TET3: variants seen among roughly 807,000 people sequenced by gnomAD.
The protein encoded by TET3 is methylcytosine dioxygenase TET3.
TET3 carries 19 observed loss-of-function variants against 141.4 expected under a neutral mutation model. The ratio of observed to expected loss-of-function variants is 0.13; its 90% confidence interval spans 0.09 to 0.20. TET3 has a LOEUF of 0.20. TET3 is among the 10% of genes least tolerant of loss of function. The pLI, the probability that TET3 is intolerant of heterozygous loss-of-function variation, is 1.00. For synonymous variants in TET3, 1,043 were observed against 980.9 expected (o/e 1.06, Z -1.18); for missense variants, 1,874 against 2,356.9 (o/e 0.80, Z 4.24).
At chr2:74,063,059 T>C (rs999934228) in intron 4 of TET3, among the ~76,000 whole-genome samples, 13 of 151,986 alleles carry the variant, frequency 8.6e-5, no homozygotes, top group Admixed American at 8.5e-4. Context: ...AATTTTTGTA[T>C]TTTTAGCAGA....
chr2:74,092,876 A>T, intron 8 of TET3, 26 bp from the exon 9 acceptor site: 1 of 1,565,728 alleles, frequency 6.4e-7, no homozygotes, highest in South Asian at 1.2e-5. Flanking sequence ...GCTGCTCTGG[A>T]TGTGTGACTG....
chr2:74,105,585 A>G lies in TET3; in HGVS notation c.*3409A>G. On this transcript the variant is annotated 3_prime_UTR_variant, in exon 12 of 12. Transcript: ENST00000409262. ...ATGGGTACTGCTTTGCCTTCTCACCAAGGTGACGATGGTGTGCGTGGAAAG... is the reference window on the plus strand; with the variant it reads ...ATGGGTACTGCTTTGCCTTCTCACCGAGGTGACGATGGTGTGCGTGGAAAG... 2 of 394,208 alleles carry G rather than the reference A, an allele frequency of 5.1e-6. No individual in the cohort carries two copies. The highest frequency in any genetic ancestry group is 9.0e-6 in the Non-Finnish European group (2 of 223,024). The allele number at this position is 394,208 out of a possible 1,614,324, so 24.4% of individuals were successfully genotyped here.
intron 4 of TET3, among the ~76,000 whole-genome samples, chr2:74,070,810 C>CA (rs1573849801): frequency 1.3e-5 from 2 of 151,906 alleles, no homozygotes. Context: ...CCTGCCTCTA[C>CA]AAAAAAATAG....
At chr2:74,026,032 G>A (rs985963726) in intron 3 of TET3, among the ~76,000 whole-genome samples, 3 of 152,192 alleles carry the variant, frequency 2.0e-5, no homozygotes, top group African/African-American at 4.8e-5. Flanking sequence ...TCCTAGTTGT[G>A]TGTCATCAGC....
rs192616714 is a variant in TET3 at position 74,035,146 on chromosome 2, G to A, written c.361-11132G>A. On this transcript the variant is annotated intron_variant, in intron 3 of 11. Transcript: ENST00000409262. ...GAACCTGGGAGGCGGAGCTTGCAGT[G>A]AGCCAAGATCGCGCCACTGCACTCC... Among the ~76,000 whole-genome samples the A allele has an allele frequency of 7.6e-3, 1,121 of 147,518 alleles. 6 individuals are homozygous for A. The highest frequency in any genetic ancestry group is 0.027 in the African/African-American group (1,074 of 39,728).
At chr2:74,073,055 T>C (rs774157568) in intron 4 of TET3, among the ~76,000 whole-genome samples, 11 of 152,268 alleles carry the variant, frequency 7.2e-5, no homozygotes, top group Non-Finnish European at 1.3e-4. Flanking sequence ...GCTCTGAACA[T>C]TGGCATACAA....
chr2:74,003,743 G>C (rs1685000826), intron 3 of TET3, among the ~76,000 whole-genome samples: 1 of 151,504 alleles, frequency 6.6e-6, no homozygotes, highest in Admixed American at 6.6e-5. Flanking sequence ...TCCGGCGGGC[G>C]TCTGCTGTTA....
At chr2:74,070,037 C>T (rs1300334692) in intron 4 of TET3, among the ~76,000 whole-genome samples, 1 of 152,168 alleles carries the variant, frequency 6.6e-6, no homozygotes, top group Non-Finnish European at 1.5e-5. Flanking sequence ...GGTCAAACAT[C>T]ATTAACTGTC....
At chr2:74,067,059 C>G (rs1220203778) in intron 4 of TET3, among the ~76,000 whole-genome samples, 4 of 152,122 alleles carry the variant, frequency 2.6e-5, no homozygotes, top group Non-Finnish European at 5.9e-5. Context: ...TTTCAGACCA[C>G]TGCCTCCATC....
chr2:73,993,112 C>T (rs1684417364), intron 2 of TET3: 2 of 152,178 alleles, frequency 1.3e-5, no homozygotes, highest in South Asian at 4.1e-4. Context: ...GGGCCCCACT[C>T]CCAAGGGATT....
chr2:74,019,924 C>T (rs1431825284), intron 3 of TET3, among the ~76,000 whole-genome samples: 1 of 152,160 alleles, frequency 6.6e-6, no homozygotes. Context: ...GCTTTCTTAG[C>T]TTCCAATCAT....
At chr2:74,073,703 C>T (rs374238416) in intron 5 of TET3, 64 bp downstream of exon 5, 13 of 1,346,658 alleles carry the variant, frequency 9.7e-6, no homozygotes, top group African/African-American at 3.0e-5. Flanking sequence ...GGATATTAAG[C>T]GCCTCTCATT....
chr2:74,070,025 T>C (rs921060604), intron 4 of TET3, among the ~76,000 whole-genome samples: 2 of 152,268 alleles, frequency 1.3e-5, no homozygotes, highest in Non-Finnish European at 2.9e-5. Context: ...CATTTTTTGA[T>C]AGGTCAAACA....
chr2:73,992,408 G>A (rs547990515), intron 2 of TET3, among the ~76,000 whole-genome samples: 110 of 151,450 alleles, frequency 7.3e-4, no homozygotes, highest in African/African-American at 2.2e-3. Flanking sequence ...CCACCTCCCC[G>A]GTTCAAGCGA....
Position 74,046,646 on chromosome 2 carries a change from T to C in TET3, c.729T>C (p.Pro243=), listed in dbSNP as rs1687638266. The C allele has an allele frequency of 6.2e-7, 1 of 1,613,950 alleles. No individual in the cohort carries two copies. Among genetic ancestry groups the C allele is most frequent in the African/African-American group, 1.3e-5 (1 of 74,952 alleles). ...GNNSRGPRPG[P]EGCSAGSEDL... The stretch of plus-strand genomic sequence containing the variant: ...ACAGCAGGGGACCCCGGCCAGGGCC[T>C]GAGGGCTGCTCTGCTGGCAGCGAAG... Residue 243 remains proline (P), a synonymous_variant, in exon 4 of 12, where the codon CCT becomes CCC. Transcript: ENST00000409262. This position sits in a 1 kb window ranked among gnomAD's most constrained non-coding sequence, Gnocchi z 4.3.
At position 74,107,575 on chromosome 2, in the gene TET3, A is replaced by ATTTCT. The variant is rs1691574377; in HGVS notation, c.*5403_*5407dup. ...AGGGGAGAAAAACAGGAGTGATGTC[A>ATTTCT]TTTCTTTTTCATGTATTCCAATTAA... On this transcript the variant is annotated 3_prime_UTR_variant, in exon 12 of 12. Transcript: ENST00000409262. 1.3e-5 allele frequency: 2 copies of ATTTCT among 152,156 alleles called. No individual in the cohort carries two copies. The highest frequency in any genetic ancestry group is 4.1e-4 in the South Asian group (2 of 4,820). The allele number at this position is 152,156 out of a possible 1,614,324, so 9.4% of individuals were successfully genotyped here.
chr2:74,049,515 C>CT (rs1687826499), intron 4 of TET3, among the ~76,000 whole-genome samples: 1 of 152,126 alleles, frequency 6.6e-6, no homozygotes, highest in African/African-American at 2.4e-5. Flanking sequence ...CCCCCACACT[C>CT]TGTTTAGGGA....
rs909497154 is a variant in TET3, at chr2:74,107,551, G to A, written c.*5375G>A. 6.6e-6 allele frequency: 1 copy of A among 152,158 alleles called. No homozygotes were observed. Among genetic ancestry groups the A allele is most frequent in the Non-Finnish European group, 1.5e-5 (1 of 68,034 alleles). The allele number at this position is 152,158 out of a possible 1,614,324, so 9.4% of individuals were successfully genotyped here. On this transcript the variant is annotated 3_prime_UTR_variant, in exon 12 of 12. Coordinates refer to ENST00000409262, the MANE Select transcript of TET3 (RefSeq NM_001287491.2). ...TTTTTTTTCTTTTGAGGGGAAAAGA[G>A]GGGAGAAAAACAGGAGTGATGTCAT...
chr2:74,130,744 T>C, the TET3 span: 1 of 152,246 alleles, frequency 6.6e-6, no homozygotes, highest in African/African-American at 2.4e-5. Context: ...GACCGCAGAC[T>C]CGTCGGGCTG....
Sources: gnomAD v4.1 joint callset for allele counts (sites outside exome capture counted in the v4.1 genomes callset) on GRCh38, gnomAD v4.1.1 for gene constraint, Gnocchi (gnomAD v3.1) non-coding constraint, MANE v1.5 for transcripts, NCBI Gene and HGNC (gene_info 2026-07-23, HGNC 2026-07-21) for gene names.